Variants in AGAP9 observed in about 807,000 individuals in gnomAD.
The protein encoded by AGAP9 is arf-GAP with GTPase, ANK repeat and PH domain-containing protein 9.
In AGAP9, 23 loss-of-function variants were observed where a neutral mutation model predicts 55.6. That is an observed-to-expected ratio of 0.41 (90% CI 0.30 to 0.59). The LOEUF (loss-of-function observed/expected upper bound fraction) is 0.59. Ranked by LOEUF, AGAP9 falls within the 20% of genes least tolerant of loss-of-function variation. The pLI, the probability that AGAP9 is intolerant of heterozygous loss-of-function variation, is 0.25. For missense variants in AGAP9, 309 were observed against 808.1 expected, an observed-to-expected ratio of 0.38 and a Z score of 7.49; for synonymous variants, 120 against 305.0, an observed-to-expected ratio of 0.39 and a Z score of 6.32.
At position 47,505,478 on chromosome 10, in the gene AGAP9, T is replaced by C. The variant is rs1157977573; in HGVS notation, c.534-1238A>G. ...TCTAATATTCTGAATAAGTGGAAAG[T>C]TAATGAGAAGTGCTTTTTTTTTGTT... is the stretch of plus-strand genomic sequence containing the variant. On this transcript the variant is annotated intron_variant, in intron 6 of 7. Transcript: ENST00000452145. Among the ~76,000 whole-genome samples, 37 of 139,190 alleles carry C rather than the reference T, an allele frequency of 2.7e-4. 2 individuals are homozygous for C. The highest frequency in any genetic ancestry group is 9.6e-4 in the African/African-American group (37 of 38,362). The allele number at this position is 139,190 out of a possible 152,430, so 91.3% of individuals were successfully genotyped here.
rs1488115139 is a variant in AGAP9, at chr10:47,503,031, G to C, written c.1098C>G (p.Asp366Glu). The C allele has an allele frequency of 6.2e-7, 1 of 1,608,420 alleles. No individual in the cohort carries two copies. The highest frequency in any genetic ancestry group is 8.5e-7 in the Non-Finnish European group (1 of 1,178,992). Residue 366 changes from aspartate (D) to glutamate (E), a missense_variant, in exon 8 of 8, where the codon GAC becomes GAG. Asp to Glu is a conservative substitution (Grantham distance 45, BLOSUM62 2). Coordinates refer to ENST00000452145, the MANE Select transcript of AGAP9 (RefSeq NM_001190810.1). ...TGGAGTCACCCAGCCCGGTGTCCAT[G>C]TCCTTGGATAGGCCATTGCTTTTAG... ...SSSKSNGLSK[D>E]MDTGLGDSIC... is the part of the protein sequence containing the mutation.
At chr10:47,520,397 G>A in intron 3 of AGAP9, 102 bp downstream of exon 3, 1 of 1,129,948 alleles carries the variant, frequency 8.8e-7, no homozygotes, top group Non-Finnish European at 1.1e-6. Flanking sequence ...GTGAAAAGGT[G>A]AAAAATTTAA....
At chr10:47,521,766 T>TA (rs1201770287) in intron 2 of AGAP9, among the ~76,000 whole-genome samples, 4 of 151,372 alleles carry the variant, frequency 2.6e-5, no homozygotes, top group Non-Finnish European at 4.4e-5. Context: ...GTGTAGAGAC[T>TA]AAAAAACTCC....
chr10:47,502,159 T>G lies in AGAP9; in HGVS notation c.1970A>C (p.Gln657Pro). ...AGGCCTGCCGGGCGTAGGTCAGCGC[T>G]GTGTTCCCGTGGGCATCTCGGGCCA... Reference protein sequence around the residue: ...TSWPEMPTGTQR With the variant: ...TSWPEMPTGTPR Residue 657 changes from glutamine (Q) to proline (P), a missense_variant, in exon 8 of 8, where the codon CAG becomes CCG. Transcript: ENST00000452145. 1 of 1,563,918 alleles carries G rather than the reference T, an allele frequency of 6.4e-7. No homozygotes were observed. Among genetic ancestry groups the G allele is most frequent in the Admixed American group, 1.8e-5 (1 of 56,792 alleles).
chr10:47,503,384 G>C lies in AGAP9; in HGVS notation c.745C>G (p.Arg249Gly), dbSNP rs74410602. ...TCAGATGTAAACAGGTTGGACCAGC[G>C]CATGGACCGCTTGCAAACGGGGGTG... Reference protein sequence around the residue: ...TPTPVCKRSMRWSNLFTSEKG... With the variant: ...TPTPVCKRSMGWSNLFTSEKG... The change falls in exon 8 of 8, where the codon CGC becomes GGC. Residue 249 changes from arginine (R) to glycine (G), a missense_variant. By Grantham distance (125) the Arg-to-Gly change is moderately radical. Transcript: ENST00000452145. 5.0e-6 allele frequency: 8 copies of C among 1,609,906 alleles called. No individual in the cohort carries two copies. Among genetic ancestry groups the C allele is most frequent in the South Asian group, 4.4e-5 (4 of 90,904 alleles).
rs1300491283 is a variant in AGAP9 at position 47,512,686 on chromosome 10, TC to T, written c.397-2416del. Among the ~76,000 whole-genome samples the T allele has an allele frequency of 6.6e-4, 22 of 33,516 alleles. 1 individual carries two copies. The highest frequency in any genetic ancestry group is 2.6e-3 in the African/African-American group (21 of 8,000). 22.0% of individuals were successfully genotyped at this position (33,516 alleles called of 152,430 possible). A position where few individuals can be genotyped will look rare whatever the true frequency, so the allele number is the denominator to read the frequency against. ...TTGTGTGATTGCTCTGGCTAGGCCT[TC>T]CAGTAGTATGTTGAATACAAGTGGT... On this transcript the variant is annotated intron_variant, in intron 4 of 7. Coordinates refer to ENST00000452145, the MANE Select transcript of AGAP9 (RefSeq NM_001190810.1).
chr10:47,520,755 GGAGGCT>G (rs1840807347), intron 2 of AGAP9, among the ~76,000 whole-genome samples, 188 bp from the exon 3 acceptor site: 1 of 97,618 alleles, frequency 1.0e-5, no homozygotes, highest in Non-Finnish European at 1.9e-5. Flanking sequence ...CAGCTACTCA[GGAGGCT>G]GAGATGGGAA....
rs1401344135 is a variant in AGAP9 at position 47,522,147 on chromosome 10, G to C, written c.292+719C>G. Among the ~76,000 whole-genome samples the C allele has an allele frequency of 9.8e-5, 14 of 142,502 alleles. 1 individual carries two copies. The highest frequency in any genetic ancestry group is 3.6e-3 in the Middle Eastern group (1 of 276). The allele number at this position is 142,502 out of a possible 152,430, so 93.5% of individuals were successfully genotyped here. ...ATTGTCAGGAGGGGAAGGGACAAAG[G>C]GGGAGCCACGGCAACAAACACTCTT... On this transcript the variant is annotated intron_variant, in intron 2 of 7. Coordinates refer to ENST00000452145, the MANE Select transcript of AGAP9 (RefSeq NM_001190810.1).
intron 6 of AGAP9, among the ~76,000 whole-genome samples, chr10:47,506,490 C>A (rs1284517463): frequency 7.2e-6 from 1 of 139,374 alleles, no homozygotes; most frequent in Admixed American, 7.3e-5. Context: ...ACCACCACGC[C>A]CAGCCATTTT....
intron 4 of AGAP9, among the ~76,000 whole-genome samples, chr10:47,513,594 AAAC>A (rs1840673839): frequency 7.1e-6 from 1 of 140,620 alleles, no homozygotes; most frequent in African/African-American, 2.6e-5. Context: ...AACTAAGCAA[AAAC>A]AACAAATCTG....
At chr10:47,507,358 AC>A (rs1840503858) in intron 6 of AGAP9, among the ~76,000 whole-genome samples, 189 bp downstream of exon 6, 1 of 117,366 alleles carries the variant, frequency 8.5e-6, no homozygotes, top group Non-Finnish European at 1.8e-5. Context: ...ATAAACATAT[AC>A]TCTTTGAGAT....
In AGAP9 at chr10:47,502,887, C is replaced by A; in HGVS notation, c.1242G>T (p.Val414=). The A allele has an allele frequency of 6.2e-7, 1 of 1,604,798 alleles. No homozygotes were observed. The highest frequency in any genetic ancestry group is 8.5e-7 in the Non-Finnish European group (1 of 1,177,596). ...KKKSTNNFMI[V]SATGQTWHFE... Reference sequence around the variant, plus strand: ...AGTGCCACGTTTGGCCAGTGGCAGACACAATCATAAAGTTGTTGGTGCTTT... The same window carrying A: ...AGTGCCACGTTTGGCCAGTGGCAGAAACAATCATAAAGTTGTTGGTGCTTT... Residue 414 remains valine, a synonymous_variant, in exon 8 of 8, where the codon GTG becomes GTT. Coordinates refer to ENST00000452145, the MANE Select transcript of AGAP9 (RefSeq NM_001190810.1).
chr10:47,522,234 C>A (rs1169886882), intron 2 of AGAP9, among the ~76,000 whole-genome samples: 4,565 of 141,856 alleles, frequency 0.032, 671 homozygotes, highest in African/African-American at 0.12. Context: ...TCTACGTTGA[C>A]GTTTCATGTC....
Position 47,502,356 on chromosome 10 carries a change from C to G in AGAP9, c.1773G>C (p.Leu591=). ...PCTELSLGQQ[L]LRATTDEDLQ... ...GGTCCTCATCAGTGGTGGCCCGCAG[C>G]AGCTGCTGGCCCAGGGACAGCTCAG... The change falls in exon 8 of 8, where the codon CTG becomes CTC. Residue 591 remains leucine, a synonymous_variant. Transcript: ENST00000452145. 2 of 1,608,206 alleles carry G rather than the reference C, an allele frequency of 1.2e-6. No individual in the cohort carries two copies.
chr10:47,504,320 G>C, intron 6 of AGAP9, 80 bp from the exon 7 acceptor site: 1 of 1,089,938 alleles, frequency 9.2e-7, no homozygotes, highest in Non-Finnish European at 1.3e-6. Context: ...ACTTCCTCCT[G>C]TGTGCTTTGG....
chr10:47,514,299 A>G (rs1216405202), intron 4 of AGAP9, among the ~76,000 whole-genome samples: 12 of 150,314 alleles, frequency 8.0e-5, no homozygotes, highest in African/African-American at 1.7e-4. Context: ...AATAAGGAAT[A>G]AATTCATGGC....
chr10:47,516,770 T>G (rs1840724450), intron 4 of AGAP9, among the ~76,000 whole-genome samples: 2 of 130,724 alleles, frequency 1.5e-5, no homozygotes, highest in Admixed American at 1.5e-4. Flanking sequence ...GAAAGGCATG[T>G]GATAAATGCT....
intron 4 of AGAP9, among the ~76,000 whole-genome samples, chr10:47,510,829 CAA>C (rs1180008752): frequency 2.5e-3 from 69 of 27,244 alleles, no homozygotes; most frequent in African/African-American, 0.011. Context: ...GACTCCGTCT[CAA>C]AAAAAAAAAA....
rs1449507391 is a variant in AGAP9, at chr10:47,521,491, A to G, written c.293-924T>C. Among the ~76,000 whole-genome samples the G allele has an allele frequency of 6.4e-3, 899 of 140,030 alleles. 63 individuals are homozygous for G. The highest frequency in any genetic ancestry group is 0.022 in the African/African-American group (840 of 37,440). 91.9% of individuals were successfully genotyped at this position (140,030 alleles called of 152,430 possible). The stretch of plus-strand genomic sequence containing the variant: ...CTACCTCTTTAAAAATTAAGAGCCC[A>G]ACCAAAGTTTAAATAGAAGAGCTAT... On this transcript the variant is annotated intron_variant, in intron 2 of 7. Transcript: ENST00000452145.
Sources: allele counts gnomAD v4.1 joint callset (sites outside exome capture counted in the v4.1 genomes callset), GRCh38; gene constraint gnomAD v4.1.1; transcripts MANE v1.5; gene names NCBI Gene and HGNC (gene_info 2026-07-23, HGNC 2026-07-21).